The following TPH2 variants were observed in gnomAD, a reference collection of about 807,000 sequenced individuals.
TPH2 encodes the protein tryptophan 5-hydroxylase 2.
In TPH2, 27 loss-of-function variants were observed where a neutral mutation model predicts 59.1. That is an observed-to-expected ratio of 0.46 (90% CI 0.34 to 0.63). The LOEUF is 0.63. Among genes scored for constraint, TPH2 ranks in the 30% least tolerant of loss-of-function variants. TPH2 has a pLI of 0.01. For synonymous variants in TPH2, 220 were observed against 210.5 expected (o/e 1.05, Z -0.39); for missense variants, 523 against 588.3 (o/e 0.89, Z 1.15).
rs2139179171 is a variant in TPH2 at position 71,944,601 on chromosome 12, C to T, written c.455C>T (p.Pro152Leu). ...TTTTCAACAGAGCTAGAGGATGTGCCCTGGTTCCCTCGGAAGATCTCTGAG... is the reference window on the plus strand; with the variant it reads ...TTTTCAACAGAGCTAGAGGATGTGCTCTGGTTCCCTCGGAAGATCTCTGAG... ...WTEEEELEDV[P>L]WFPRKISELD... The change falls in exon 4 of 11, where the codon CCC becomes CTC. Residue 152 changes from proline (P) to leucine (L), a missense_variant. Transcript: ENST00000333850. 6.2e-7 allele frequency: 1 copy of T among 1,613,842 alleles called. No individual in the cohort carries two copies. The highest frequency in any genetic ancestry group is 2.2e-5 in the East Asian group (1 of 44,866).
At chr12:71,975,945 G>T (rs1872106546) in intron 6 of TPH2, among the ~76,000 whole-genome samples, 1 of 152,086 alleles carries the variant, frequency 6.6e-6, no homozygotes, top group Non-Finnish European at 1.5e-5. Flanking sequence ...TTACTGCATT[G>T]TTCCCCAAAC....
chr12:72,002,417 G>A (rs933387224), intron 8 of TPH2, among the ~76,000 whole-genome samples: 1 of 152,090 alleles, frequency 6.6e-6, no homozygotes, highest in African/African-American at 2.4e-5. Flanking sequence ...TGTAGTAATC[G>A]TAAATTAGAA....
intron 8 of TPH2, among the ~76,000 whole-genome samples, chr12:72,013,930 T>C (rs1245752450): frequency 6.6e-6 from 1 of 151,360 alleles, no homozygotes; most frequent in East Asian, 2.0e-4. Flanking sequence ...CTCTGAGGGG[T>C]CTTCACCTTT....
At chr12:72,017,221 T>A (rs900141690) in intron 8 of TPH2, among the ~76,000 whole-genome samples, 2 of 152,188 alleles carry the variant, frequency 1.3e-5, no homozygotes, top group Non-Finnish European at 1.5e-5. Context: ...CCCGAACTGC[T>A]GCGAGAATGG....
chr12:71,941,038 A>ACAATG (rs1566108806), intron 1 of TPH2, among the ~76,000 whole-genome samples: 3 of 152,212 alleles, frequency 2.0e-5, no homozygotes, highest in Admixed American at 1.3e-4. Flanking sequence ...ATTCACATTG[A>ACAATG]CAATGTGGAT....
At chr12:72,010,547 G>C (rs1173580690) in intron 8 of TPH2, among the ~76,000 whole-genome samples, 1 of 152,072 alleles carries the variant, frequency 6.6e-6, no homozygotes, top group South Asian at 2.1e-4. Flanking sequence ...CAATGGAGTG[G>C]CAAGAATGAC....
chr12:71,944,242 C>T (rs979172653), intron 2 of TPH2, 52 bp from the exon 3 acceptor site: 2 of 1,590,462 alleles, frequency 1.3e-6, no homozygotes, highest in Non-Finnish European at 1.7e-6. Flanking sequence ...AAGCTCATGG[C>T]ATTCCTTTTA....
chr12:71,989,001 T>C (rs1223233355), intron 7 of TPH2, among the ~76,000 whole-genome samples: 1 of 150,784 alleles, frequency 6.6e-6, no homozygotes, highest in Admixed American at 6.6e-5. Flanking sequence ...AAAAGAATTG[T>C]AGTAAAGAAG....
intron 9 of TPH2, among the ~76,000 whole-genome samples, chr12:72,024,789 T>TG (rs1197699602): frequency 1.3e-5 from 2 of 152,214 alleles, no homozygotes. Flanking sequence ...CAGAATCGTC[T>TG]GGAAATGGAA....
At chr12:71,971,862 C>G (rs1399046051) in intron 5 of TPH2, among the ~76,000 whole-genome samples, 1 of 152,224 alleles carries the variant, frequency 6.6e-6, no homozygotes, top group Non-Finnish European at 1.5e-5. Flanking sequence ...ATATGACCCA[C>G]AAGCCTAAAA....
At chr12:71,976,161 T>A (rs1435635240) in intron 6 of TPH2, among the ~76,000 whole-genome samples, 1 of 152,216 alleles carries the variant, frequency 6.6e-6, no homozygotes, top group Admixed American at 6.5e-5. Flanking sequence ...TCCTCCTCTG[T>A]CAATGGAGAT....
At position 71,963,286 on chromosome 12, in the gene TPH2, T is replaced by C. The variant is rs181768370; in HGVS notation, c.609-9233T>C. Among the ~76,000 whole-genome samples the C allele has an allele frequency of 2.1e-3, 105 of 50,476 alleles. 48 individuals are homozygous for C. Among genetic ancestry groups the C allele is most frequent in the Non-Finnish European group, 4.6e-3 (94 of 20,234 alleles). 33.1% of individuals were successfully genotyped at this position (50,476 alleles called of 152,430 possible). A position where few individuals can be genotyped will look rare whatever the true frequency, so the allele number is the denominator to read the frequency against. On this transcript the variant is annotated intron_variant, in intron 5 of 10. Coordinates refer to ENST00000333850, the MANE Select transcript of TPH2 (RefSeq NM_173353.4). The stretch of plus-strand genomic sequence containing the variant: ...ACTCCCAGACTTTTCTTATGAATTC[T>C]TGGAAGTCAGTAAATAAAAATTACA...
rs931747905 is a variant in TPH2 at position 71,946,016 on chromosome 12, C to G, written c.540+1330C>G. 1.1e-4 allele frequency among the ~76,000 whole-genome samples: 17 copies of G among 152,104 alleles called. 1 individual carries two copies. Among genetic ancestry groups the G allele is most frequent in the African/African-American group, 4.1e-4 (17 of 41,410 alleles). On this transcript the variant is annotated intron_variant, in intron 4 of 10. Coordinates refer to ENST00000333850, the MANE Select transcript of TPH2 (RefSeq NM_173353.4). ...CCCTCTCTCAACTTCCAGAAGGCAT[C>G]AGAATTAGCACGGGAACCTGACGTA...
At chr12:71,976,508 A>C (rs563250613) in intron 6 of TPH2, among the ~76,000 whole-genome samples, 1 of 152,356 alleles carries the variant, frequency 6.6e-6, no homozygotes, top group East Asian at 1.9e-4. Flanking sequence ...TTCACATAAA[A>C]ATAAAATACA....
At chr12:71,985,031 A>G (rs753305617) in intron 7 of TPH2, among the ~76,000 whole-genome samples, 4 of 151,810 alleles carry the variant, frequency 2.6e-5, no homozygotes, top group Non-Finnish European at 5.9e-5. Flanking sequence ...ACTATATATC[A>G]ACTGGACACA....
chr12:71,958,585 G>A (rs1871580665), intron 5 of TPH2, among the ~76,000 whole-genome samples: 1 of 152,194 alleles, frequency 6.6e-6, no homozygotes, highest in Non-Finnish European at 1.5e-5. Context: ...GGGGACATCT[G>A]CCAGGGTCTG....
rs779391394 is a variant in TPH2, at chr12:71,978,977, G to A, written c.831G>A (p.Pro277=). The A allele has an allele frequency of 3.9e-5, 63 of 1,613,944 alleles. No homozygotes were observed. Among genetic ancestry groups the A allele is most frequent in the Middle Eastern group, 1.6e-4 (1 of 6,084 alleles). The change falls in exon 7 of 11, where the codon CCG becomes CCA. Residue 277 remains proline (P), a synonymous_variant. Transcript: ENST00000333850. The part of the protein sequence containing the change: ...LKERSGFTVR[P]VAGYLSPRDF... ...AAAGGTCTGGCTTCACGGTGAGGCC[G>A]GTGGCTGGATACCTGAGCCCACGAG...
rs1431959572 is a variant in TPH2, at chr12:71,944,312, G to A, written c.274G>A (p.Val92Ile). The A allele has an allele frequency of 1.2e-6, 2 of 1,613,752 alleles. No homozygotes were observed. The highest frequency in any genetic ancestry group is 2.2e-5 in the East Asian group (1 of 44,860). Residue 92 changes from valine to isoleucine, a missense_variant, in exon 3 of 11, where the codon GTT becomes ATT. Coordinates refer to ENST00000333850, the MANE Select transcript of TPH2 (RefSeq NM_173353.4). ...RLFQEKRVNM[V>I]HIESRKSRRR... ...TCCACAGGAAAAACGTGTCAACATGGTTCATATTGAATCCAGGAAATCTCG... is the reference window on the plus strand; with the variant it reads ...TCCACAGGAAAAACGTGTCAACATGATTCATATTGAATCCAGGAAATCTCG...
At chr12:72,001,579 G>T (rs527665864) in intron 8 of TPH2, among the ~76,000 whole-genome samples, 1 of 151,878 alleles carries the variant, frequency 6.6e-6, no homozygotes, top group East Asian at 1.9e-4. Flanking sequence ...GCATGTGCCC[G>T]GCTAATTTTT....
Sources: gnomAD v4.1 joint callset for allele counts (sites outside exome capture counted in the v4.1 genomes callset) on GRCh38, gnomAD v4.1.1 for gene constraint, MANE v1.5 for transcripts, NCBI Gene and HGNC (gene_info 2026-07-23, HGNC 2026-07-21) for gene names.